Variants in MCF2L2 observed in about 807,000 individuals in gnomAD.
MCF2L2 encodes the protein probable guanine nucleotide exchange factor MCF2L2.
A neutral mutation model predicts 150.2 loss-of-function variants in MCF2L2; 102 were observed. The ratio of observed to expected loss-of-function variants is 0.68; its 90% CI spans 0.58 to 0.80. The LOEUF (loss-of-function observed/expected upper bound fraction) is 0.80. MCF2L2 is among the 30% of genes least tolerant of loss of function. MCF2L2 has a pLI of 0.00. For synonymous variants in MCF2L2, 465 were observed against 491.3 expected (o/e 0.95, Z 0.71); for missense variants, 1,256 against 1,372.8 (o/e 0.91, Z 1.34).
At chr3:183,413,070 A>G (rs1453210559) in intron 1 of MCF2L2, among the ~76,000 whole-genome samples, 2 of 152,166 alleles carry the variant, frequency 1.3e-5, no homozygotes, top group Non-Finnish European at 2.9e-5. Flanking sequence ...CCTAGGAAAA[A>G]TCCCACTTGA....
intron 3 of MCF2L2, among the ~76,000 whole-genome samples, chr3:183,348,627 G>T (rs1730993488): frequency 1.3e-5 from 2 of 152,054 alleles, no homozygotes; most frequent in Admixed American, 1.3e-4. Flanking sequence ...GCTTACAAAA[G>T]ATACACTTTT....
chr3:183,231,041 G>A, intron 15 of MCF2L2, 24 bp from the exon 16 acceptor site: 1 of 1,571,480 alleles, frequency 6.4e-7, no homozygotes, highest in Non-Finnish European at 8.8e-7. Flanking sequence ...GCAGGTGGGA[G>A]GGTGAAAGAG....
intron 3 of MCF2L2, chr3:183,374,718 T>C (rs976689322): frequency 1.3e-5 from 2 of 150,854 alleles, no homozygotes; most frequent in African/African-American, 5.0e-5. Context: ...AGAAGCCATG[T>C]CATTTGCCCC....
intron 15 of MCF2L2, chr3:183,269,446 C>A (rs1403215718): frequency 1.0e-5 from 2 of 200,114 alleles, no homozygotes; most frequent in Non-Finnish European, 2.0e-5. Flanking sequence ...TTCTTTCCAG[C>A]ACCTTAGTAA....
intron 5 of MCF2L2, among the ~76,000 whole-genome samples, chr3:183,324,986 C>T (rs966581335): frequency 3.3e-5 from 5 of 150,678 alleles, no homozygotes; most frequent in Non-Finnish European, 7.4e-5. Context: ...ATGGATGAAA[C>T]TGGAAACCAT....
intron 1 of MCF2L2, among the ~76,000 whole-genome samples, chr3:183,425,037 G>C (rs1223204733): frequency 6.6e-6 from 1 of 152,194 alleles, no homozygotes; most frequent in African/African-American, 2.4e-5. Flanking sequence ...TTGGAATATA[G>C]AGTGTCGTGT....
At position 183,197,738 on chromosome 3, in the gene MCF2L2, T is replaced by C. The variant is rs1372258748; in HGVS notation, c.2885-2483A>G. The stretch of plus-strand genomic sequence containing the variant: ...ATATATCTAGGATATACATAAAAAC[T>C]CTCAAAAGTCAATAATAAGAAAACA... On this transcript the variant is annotated intron_variant, in intron 25 of 29. Transcript: ENST00000328913. The surrounding 1 kb of genome is among the most constrained non-coding windows in gnomAD (Gnocchi z 4.5). Among the ~76,000 whole-genome samples the C allele has an allele frequency of 6.6e-6, 1 of 151,922 alleles. No individual in the cohort carries two copies.
intron 14 of MCF2L2, among the ~76,000 whole-genome samples, chr3:183,286,028 G>A (rs1727773852): frequency 1.3e-5 from 2 of 152,150 alleles, no homozygotes; most frequent in Admixed American, 1.3e-4. Flanking sequence ...CCCAGATGAC[G>A]TCAGTGAGCC....
In MCF2L2 at chr3:183,339,035, G is replaced by A. The variant is rs769083077; in HGVS notation, c.367-116C>T. On this transcript the variant is annotated intron_variant, in intron 4 of 29. Coordinates refer to ENST00000328913, the MANE Select transcript of MCF2L2 (RefSeq NM_015078.4). The stretch of plus-strand genomic sequence containing the variant: ...AGATCACAGAAGGAAAAGTTAAAAC[G>A]GATGCCATGGATGTAAATTTCACCA... 65 of 957,378 alleles carry A rather than the reference G, an allele frequency of 6.8e-5. No homozygotes were observed. The South Asian group carries it at 8.9e-4, about 13-fold the overall frequency. 59.3% of individuals were successfully genotyped at this position (957,378 alleles called of 1,614,324 possible).
chr3:183,412,288 T>TTTGTTG (rs145229144), intron 1 of MCF2L2, among the ~76,000 whole-genome samples: 1 of 151,448 alleles, frequency 6.6e-6, no homozygotes, highest in Non-Finnish European at 1.5e-5. Context: ...TGTTTGTTTG[T>TTTGTTG]TTGTTGTTGT....
At chr3:183,216,235 C>T in intron 21 of MCF2L2, 141 bp from the exon 22 acceptor site, 1 of 907,362 alleles carries the variant, frequency 1.1e-6, no homozygotes, top group Non-Finnish European at 1.7e-6. Flanking sequence ...TCCCTGCTCC[C>T]AAAGCATGGT....
chr3:183,389,588 G>A, intron 2 of MCF2L2, 108 bp downstream of exon 2: 1 of 923,630 alleles, frequency 1.1e-6, no homozygotes, highest in Non-Finnish European at 1.7e-6. Context: ...TGAAGCCTAA[G>A]GGGTGAGTGA....
chr3:183,333,485 T>C (rs1730348869), intron 5 of MCF2L2, among the ~76,000 whole-genome samples: 1 of 152,202 alleles, frequency 6.6e-6, no homozygotes, highest in Non-Finnish European at 1.5e-5. Flanking sequence ...CCCAGCCATC[T>C]AGGTGGAGAT....
intron 15 of MCF2L2, among the ~76,000 whole-genome samples, chr3:183,259,976 C>A (rs1157196277): frequency 6.6e-6 from 1 of 152,136 alleles, no homozygotes; most frequent in East Asian, 1.9e-4. Flanking sequence ...AAATTCTCAT[C>A]CATCTTGGGT....
intron 22 of MCF2L2, among the ~76,000 whole-genome samples, chr3:183,214,096 G>GCCT (rs1722829385): frequency 6.6e-6 from 1 of 152,116 alleles, no homozygotes; most frequent in Non-Finnish European, 1.5e-5. Context: ...TTTTCTCACA[G>GCCT]CCTCCTCCTC....
At chr3:183,220,863 T>C (rs1723124152) in intron 20 of MCF2L2, among the ~76,000 whole-genome samples, 1 of 152,230 alleles carries the variant, frequency 6.6e-6, no homozygotes, top group African/African-American at 2.4e-5. Flanking sequence ...TATTATAATT[T>C]CCAAGAGCAC....
chr3:183,349,239 G>A (rs1245658802), intron 3 of MCF2L2, among the ~76,000 whole-genome samples: 1 of 151,504 alleles, frequency 6.6e-6, no homozygotes, highest in Non-Finnish European at 1.5e-5. Context: ...GTTTTCTTTG[G>A]GTTTCTTATT....
At chr3:183,326,492 CAA>C (rs890481068) in intron 5 of MCF2L2, among the ~76,000 whole-genome samples, 1 of 39,424 alleles carries the variant, frequency 2.5e-5, no homozygotes, top group South Asian at 1.6e-3. Context: ...AACTCCGTCT[CAA>C]AAAAAAAAAA....
Position 183,289,143 on chromosome 3 carries a change from C to A in MCF2L2, c.1753G>T (p.Asp585Tyr). The A allele has an allele frequency of 1.2e-6, 2 of 1,613,706 alleles. No homozygotes were observed. Among genetic ancestry groups the A allele is most frequent in the Non-Finnish European group, 1.7e-6 (2 of 1,179,670 alleles). ...ACCTTGACTTCAAATTTAGTCTCATCATCTTCCTTTCCCCGGGAGTTCAAC... is the reference window on the plus strand; with the variant it reads ...ACCTTGACTTCAAATTTAGTCTCATAATCTTCCTTTCCCCGGGAGTTCAAC... Reference protein sequence around the residue: ...TELNSRGKEDDETKFEVKSEE... With the variant: ...TELNSRGKEDYETKFEVKSEE... The change falls in exon 14 of 30, where the codon GAT becomes TAT. Residue 585 changes from aspartate (D) to tyrosine (Y), a missense_variant. By Grantham distance (160) the Asp-to-Tyr change is radical. Coordinates refer to ENST00000328913, the MANE Select transcript of MCF2L2 (RefSeq NM_015078.4).
Sources: gnomAD v4.1 joint callset for allele counts (sites outside exome capture counted in the v4.1 genomes callset) on GRCh38, gnomAD v4.1.1 for gene constraint, Gnocchi (gnomAD v3.1) non-coding constraint, MANE v1.5 for transcripts, NCBI Gene and HGNC (gene_info 2026-07-23, HGNC 2026-07-21) for gene names.